ITPRID1: variants seen among roughly 807,000 people sequenced by gnomAD.
The protein encoded by ITPRID1 is protein ITPRID1.
Under a neutral mutation model 95.4 loss-of-function variants are expected in ITPRID1, and 96 were observed. That is an observed-to-expected ratio of 1.01 (90% confidence interval 0.85 to 1.19). The LOEUF is 1.19. ITPRID1 is among the 50% of genes most tolerant of loss of function. ITPRID1 has a pLI of 0.00. For synonymous variants in ITPRID1, 510 were observed against 453.6 expected, an observed-to-expected ratio of 1.12 and a Z score of -1.58; for missense variants, 1,339 against 1,252.9, an observed-to-expected ratio of 1.07 and a Z score of -1.04.
intron 1 of ITPRID1, among the ~76,000 whole-genome samples, chr7:31,546,647 A>T (rs146709930): frequency 6.6e-6 from 1 of 152,174 alleles, no homozygotes; most frequent in East Asian, 1.9e-4. Context: ...GTTGGTATTC[A>T]TTTAAATAGT....
At chr7:31,592,228 C>T (rs1274896495) in intron 10 of ITPRID1, among the ~76,000 whole-genome samples, 2 of 152,182 alleles carry the variant, frequency 1.3e-5, no homozygotes, top group Non-Finnish European at 2.9e-5. Context: ...ATGGATGGAG[C>T]ATGAATTTTG....
intron 12 of ITPRID1, among the ~76,000 whole-genome samples, chr7:31,645,264 TTAC>T (rs1475341118): frequency 6.6e-6 from 1 of 152,162 alleles, no homozygotes; most frequent in African/African-American, 2.4e-5. Flanking sequence ...ATAAAGCAAA[TTAC>T]TACTTGGCCT....
intron 10 of ITPRID1, among the ~76,000 whole-genome samples, chr7:31,638,540 C>CT (rs954655494): frequency 3.5e-4 from 54 of 152,158 alleles, no homozygotes; most frequent in African/African-American, 1.3e-3. Context: ...AGTCAATTAT[C>CT]TTTTTTAAAG....
At chr7:31,657,075 CAT>C (rs1370890018), downstream of ITPRID1, among the ~76,000 whole-genome samples, 2 of 15,300 alleles carry the variant, frequency 1.3e-4, no homozygotes, top group East Asian at 1.7e-3. Context: ...TATTATGTAT[CAT>C]ATATATTTTA....
intron 10 of ITPRID1, among the ~76,000 whole-genome samples, chr7:31,606,350 G>A (rs1786621156): frequency 6.6e-6 from 1 of 152,020 alleles, no homozygotes; most frequent in Non-Finnish European, 1.5e-5. Context: ...TGGGAGAATA[G>A]GATCAGCAAA....
At chr7:31,621,884 G>T (rs919290963) in intron 10 of ITPRID1, among the ~76,000 whole-genome samples, 6 of 151,746 alleles carry the variant, frequency 4.0e-5, no homozygotes, top group African/African-American at 1.2e-4. Flanking sequence ...GAGACACATA[G>T]GCTCAAAATA....
At chr7:31,584,683 AG>A in intron 10 of ITPRID1, among the ~76,000 whole-genome samples, 1 of 152,382 alleles carries the variant, frequency 6.6e-6, no homozygotes, top group Non-Finnish European at 1.5e-5. Flanking sequence ...TTTCAAAAAT[AG>A]TGTTGTTAAC....
downstream of ITPRID1, chr7:31,658,370 C>T: frequency 6.6e-7 from 1 of 1,516,410 alleles, no homozygotes; most frequent in Non-Finnish European, 8.8e-7. Context: ...TTTCTGAAGA[C>T]ACAAGACTCT....
chr7:31,598,464 C>T (rs1293154965), intron 10 of ITPRID1, among the ~76,000 whole-genome samples: 16 of 130,040 alleles, frequency 1.2e-4, no homozygotes, highest in South Asian at 4.9e-4. Flanking sequence ...AGTGCAGTGG[C>T]GCTATCTCGG....
intron 10 of ITPRID1, among the ~76,000 whole-genome samples, 156 bp downstream of exon 10, chr7:31,583,347 C>T (rs879654994): frequency 6.6e-5 from 10 of 152,236 alleles, no homozygotes; most frequent in Admixed American, 5.2e-4. Context: ...ACTGGCAGGC[C>T]GGGTGCGGTG....
chr7:31,534,041 C>A (rs1783683038), intron 1 of ITPRID1, among the ~76,000 whole-genome samples: 1 of 152,156 alleles, frequency 6.6e-6, no homozygotes, highest in Admixed American at 6.5e-5. Context: ...GAAGTGTGAA[C>A]CCTATTGCAA....
intron 12 of ITPRID1, among the ~76,000 whole-genome samples, chr7:31,644,940 A>G (rs1346550041): frequency 6.6e-6 from 1 of 152,192 alleles, no homozygotes; most frequent in African/African-American, 2.4e-5. Flanking sequence ...TTCCACAAAT[A>G]TTTAGTGAGT....
intron 1 of ITPRID1, among the ~76,000 whole-genome samples, chr7:31,519,926 G>A (rs986686679): frequency 8.6e-5 from 13 of 150,936 alleles, no homozygotes; most frequent in African/African-American, 2.2e-4. Context: ...AACTAAGTCC[G>A]CCTTTATTTA....
intron 1 of ITPRID1, chr7:31,517,561 C>G (rs185415228): frequency 6.5e-6 from 1 of 153,310 alleles, no homozygotes; most frequent in African/African-American, 2.4e-5. Context: ...GGTCCACGCA[C>G]GGGACCCAGC....
At chr7:31,605,281 G>A (rs1786570343) in intron 10 of ITPRID1, among the ~76,000 whole-genome samples, 1 of 152,184 alleles carries the variant, frequency 6.6e-6, no homozygotes, top group Admixed American at 6.5e-5. Context: ...TGTATTTCAG[G>A]TGCTCTTTGT....
intron 5 of ITPRID1, among the ~76,000 whole-genome samples, chr7:31,563,663 A>G (rs1784698730): frequency 6.6e-6 from 1 of 152,192 alleles, no homozygotes; most frequent in African/African-American, 2.4e-5. Context: ...AAGAGGAATG[A>G]CAGATGCAGT....
intron 10 of ITPRID1, among the ~76,000 whole-genome samples, chr7:31,616,117 A>G (rs1264665052): frequency 1.3e-5 from 2 of 152,158 alleles, no homozygotes; most frequent in East Asian, 3.9e-4. Flanking sequence ...CAATGTTGCA[A>G]GGTTCCTACT....
chr7:31,635,245 AG>A (rs1386824471), intron 10 of ITPRID1, among the ~76,000 whole-genome samples: 1 of 152,218 alleles, frequency 6.6e-6, no homozygotes, highest in African/African-American at 2.4e-5. Context: ...TCCTACATCT[AG>A]ATGTGCATAG....
rs1413967415 is a variant in ITPRID1, at chr7:31,595,434, G to A, written c.1228+12243G>A. 6.6e-5 allele frequency among the ~76,000 whole-genome samples: 10 copies of A among 151,880 alleles called. 1 individual carries two copies. The South Asian group carries it at 1.9e-3, about 28-fold the overall frequency. On this transcript the variant is annotated intron_variant, in intron 10 of 14. Coordinates refer to ENST00000615280, the MANE Select transcript of ITPRID1 (RefSeq NM_001257967.3). ...ACAGTAACACTTGAATTCAATAATA[G>A]AAGTAAAAGTGACATCTTCCAACCC...
Sources: allele counts gnomAD v4.1 joint callset (sites outside exome capture counted in the v4.1 genomes callset), GRCh38; gene constraint gnomAD v4.1.1; transcripts MANE v1.5; gene names NCBI Gene and HGNC (gene_info 2026-07-23, HGNC 2026-07-21).